Variants in NOL10 observed in about 807,000 individuals in gnomAD.
NOL10 encodes the protein H_NH0074G24.1.
A neutral mutation model predicts 103.5 loss-of-function variants in NOL10; 58 were observed. The observed-to-expected ratio is 0.56, with a 90% CI of 0.45 to 0.70. The LOEUF is 0.70. Among genes scored for constraint, NOL10 ranks in the 30% least tolerant of loss-of-function variants. The pLI, the probability that NOL10 is intolerant of heterozygous loss-of-function variation, is 0.00. For synonymous variants in NOL10, 287 were observed against 282.5 expected (o/e 1.02, Z -0.16); for missense variants, 763 against 807.3 (o/e 0.95, Z 0.67).
At chr2:10,649,253 G>A (rs918051989) in intron 12 of NOL10, among the ~76,000 whole-genome samples, 1 of 150,676 alleles carries the variant, frequency 6.6e-6, no homozygotes, top group African/African-American at 2.4e-5. Context: ...AACAAACATT[G>A]AGGAGAGAAT....
chr2:10,659,314 C>A, intron 9 of NOL10, 64 bp from the exon 10 acceptor site: 1 of 595,214 alleles, frequency 1.7e-6, no homozygotes, highest in South Asian at 1.6e-5. Flanking sequence ...GTAACAAGTT[C>A]ATTATTAGTC....
intron 13 of NOL10, among the ~76,000 whole-genome samples, chr2:10,627,705 AAAAC>A (rs1221988960): frequency 6.6e-6 from 1 of 151,504 alleles, no homozygotes; most frequent in Non-Finnish European, 1.5e-5. Context: ...CAAACAAAAA[AAAAC>A]AAACAACAAC....
At chr2:10,688,573 G>C (rs190061574) in intron 1 of NOL10, among the ~76,000 whole-genome samples, 1 of 152,340 alleles carries the variant, frequency 6.6e-6, no homozygotes, top group East Asian at 1.9e-4. Flanking sequence ...TTCCCCGAAG[G>C]TTTTATCCAA....
At chr2:10,583,000 C>A (rs10929680) in intron 19 of NOL10, among the ~76,000 whole-genome samples, 2 of 151,982 alleles carry the variant, frequency 1.3e-5, no homozygotes, top group East Asian at 1.9e-4. Flanking sequence ...GACTGAGAAA[C>A]GAGTGCCAGT....
At chr2:10,667,450 T>C (rs893287937) in intron 7 of NOL10, among the ~76,000 whole-genome samples, 172 bp from the exon 8 acceptor site, 2 of 152,246 alleles carry the variant, frequency 1.3e-5, no homozygotes, top group Admixed American at 1.3e-4. Flanking sequence ...GGTTAAGTGC[T>C]TGGCTCAGTC....
chr2:10,654,521 T>C lies in NOL10; in HGVS notation c.933A>G (p.Pro311=). 7.5e-6 allele frequency: 12 copies of C among 1,600,682 alleles called. No homozygotes were observed. Among genetic ancestry groups the C allele is most frequent in the Non-Finnish European group, 1.0e-5 (12 of 1,176,454 alleles). Residue 311 remains proline (P), a synonymous_variant, in exon 12 of 21, where the codon CCA becomes CCG. Coordinates refer to ENST00000381685, the MANE Select transcript of NOL10 (RefSeq NM_024894.4). The part of the protein sequence containing the change: ...NSGKIFTSLE[P]EHDLNDVCLY... ...GACAAACATCATTAAGGTCATGCTC[T>C]GGCTCCAAGGAAGTAAATATTTTTC...
chr2:10,605,839 T>C (rs1411439048), intron 14 of NOL10, among the ~76,000 whole-genome samples: 1 of 152,206 alleles, frequency 6.6e-6, no homozygotes, highest in East Asian at 1.9e-4. Context: ...TTTTTGGTAG[T>C]AACTGACAGA....
intron 19 of NOL10, among the ~76,000 whole-genome samples, chr2:10,587,273 A>T (rs61308778): frequency 0.014 from 283 of 20,134 alleles, 54 homozygotes; most frequent in East Asian, 0.049. Flanking sequence ...ATATATATAT[A>T]TATTTTTTTT....
chr2:10,584,593 G>A (rs1036455979), intron 19 of NOL10, among the ~76,000 whole-genome samples: 4 of 152,070 alleles, frequency 2.6e-5, no homozygotes, highest in African/African-American at 4.8e-5. Flanking sequence ...ACTGGCTTGC[G>A]GTAACTTGCA....
At chr2:10,683,794 T>G (rs941686713) in intron 2 of NOL10, among the ~76,000 whole-genome samples, 7 of 152,224 alleles carry the variant, frequency 4.6e-5, no homozygotes, top group Non-Finnish European at 8.8e-5. Flanking sequence ...AGAGGGGAAC[T>G]GGCACAAATA....
At chr2:10,609,708 T>C (rs1224039564) in intron 13 of NOL10, among the ~76,000 whole-genome samples, 1 of 152,202 alleles carries the variant, frequency 6.6e-6, no homozygotes, top group African/African-American at 2.4e-5. Flanking sequence ...TACAGGGGTA[T>C]CTGCTTCCAG....
chr2:10,667,309 A>G lies in NOL10; in HGVS notation c.531-31T>C, dbSNP rs769297450. ...ACAGGAAAGCAGTAAGAAAGAATGA[A>G]TTAGTTAGCACCTACTTTAGTGGGG... On this transcript the variant is annotated intron_variant, in intron 7 of 20. Coordinates refer to ENST00000381685, the MANE Select transcript of NOL10 (RefSeq NM_024894.4). 2.1e-5 allele frequency: 30 copies of G among 1,457,656 alleles called. 1 individual carries two copies. In the South Asian group the frequency reaches 2.9e-4, roughly 14 times the overall value. 90.3% of individuals were successfully genotyped at this position (1,457,656 alleles called of 1,614,324 possible). A position where few individuals can be genotyped will look rare whatever the true frequency, so the allele number is the denominator to read the frequency against.
intron 5 of NOL10, among the ~76,000 whole-genome samples, chr2:10,672,867 C>A (rs577333889): frequency 2.0e-5 from 3 of 152,192 alleles, no homozygotes; most frequent in African/African-American, 7.2e-5. Context: ...GAAGCACATG[C>A]CTGTAGTTCC....
intron 4 of NOL10, among the ~76,000 whole-genome samples, chr2:10,674,526 T>C (rs1484118370): frequency 4.6e-5 from 7 of 152,182 alleles, no homozygotes; most frequent in Non-Finnish European, 1.0e-4. Context: ...GGGAGATTTA[T>C]AATCATATGA....
chr2:10,652,473 T>C (rs1281856409), intron 12 of NOL10, among the ~76,000 whole-genome samples: 4 of 152,104 alleles, frequency 2.6e-5, no homozygotes, highest in Non-Finnish European at 4.4e-5. Flanking sequence ...TAAGTTTGTA[T>C]TACAGCATCC....
intron 17 of NOL10, among the ~76,000 whole-genome samples, chr2:10,591,928 G>C (rs910613756): frequency 1.3e-5 from 2 of 152,104 alleles, no homozygotes; most frequent in African/African-American, 4.8e-5. Context: ...GCTTGAGCCT[G>C]GGAAGTCAGG....
At chr2:10,596,868 A>G (rs1675719651) in intron 17 of NOL10, among the ~76,000 whole-genome samples, 1 of 152,328 alleles carries the variant, frequency 6.6e-6, no homozygotes, top group African/African-American at 2.4e-5. Context: ...CCAAAACTCA[A>G]ACCCTCACAA....
intron 16 of NOL10, among the ~76,000 whole-genome samples, chr2:10,602,204 C>CGG (rs1676012004): frequency 6.6e-6 from 1 of 152,252 alleles, no homozygotes. Context: ...TCCAGCTCCA[C>CGG]GGGGCCTCCT....
At position 10,675,824 on chromosome 2, in the gene NOL10, A is replaced by G; in HGVS notation, c.259T>C (p.Leu87=). 6.3e-7 allele frequency: 1 copy of G among 1,580,316 alleles called. No homozygotes were observed. The highest frequency in any genetic ancestry group is 8.6e-7 in the Non-Finnish European group (1 of 1,160,080). Residue 87 remains leucine (L), a synonymous_variant, in exon 4 of 21, where the codon TTG becomes CTG. Transcript: ENST00000381685. ...VRCYDTYQLS[L]KFERCLDSEV... is the part of the protein sequence containing the mutation. ...GAATCTAAACACCTTTCAAACTTCAAGGATAATTGATAGGTGTCATAACAT... is the reference window on the plus strand; with the variant it reads ...GAATCTAAACACCTTTCAAACTTCAGGGATAATTGATAGGTGTCATAACAT...
Sources: allele counts gnomAD v4.1 joint callset (sites outside exome capture counted in the v4.1 genomes callset), GRCh38; gene constraint gnomAD v4.1.1; transcripts MANE v1.5; gene names NCBI Gene and HGNC (gene_info 2026-07-23, HGNC 2026-07-21).